Variants in PRDM16 observed in about 807,000 individuals in gnomAD.
The protein encoded by PRDM16 is PR/SET domain 16.
A neutral mutation model predicts 110.6 loss-of-function variants in PRDM16; 23 were observed. The observed-to-expected ratio is 0.21, with a 90% CI of 0.15 to 0.29. The LOEUF (loss-of-function observed/expected upper bound fraction) is 0.29. PRDM16 is among the 10% of genes least tolerant of loss of function. The pLI is 1.00. For missense variants in PRDM16, 1,615 were observed against 1,794.3 expected, an observed-to-expected ratio of 0.90 and a Z score of 1.81; for synonymous variants, 799 against 781.8, an observed-to-expected ratio of 1.02 and a Z score of -0.37.
intron 3 of PRDM16, among the ~76,000 whole-genome samples, chr1:3,360,969 GTCTATGCAC>G (rs1454516139): frequency 1.3e-5 from 2 of 152,240 alleles, no homozygotes; most frequent in Non-Finnish European, 2.9e-5. Flanking sequence ...GGCGGCCGGA[GTCTATGCAC>G]TCTCGTTTTC....
chr1:3,415,472 G>A (rs1332797870), intron 10 of PRDM16, among the ~76,000 whole-genome samples: 3 of 152,254 alleles, frequency 2.0e-5, no homozygotes, highest in Non-Finnish European at 4.4e-5. Flanking sequence ...TGAAACCTGC[G>A]CCCAGGCTGA....
At chr1:3,293,688 C>G (rs537031855) in intron 3 of PRDM16, among the ~76,000 whole-genome samples, 1 of 152,196 alleles carries the variant, frequency 6.6e-6, no homozygotes, top group East Asian at 1.9e-4. Flanking sequence ...TAGGGTATTT[C>G]ATTGTTAAGA....
At chr1:3,103,054 G>A (rs902687858) in intron 1 of PRDM16, among the ~76,000 whole-genome samples, 4 of 152,170 alleles carry the variant, frequency 2.6e-5, no homozygotes, top group South Asian at 2.1e-4. Flanking sequence ...GTGCAAATAC[G>A]TTCAATGGGT....
intron 3 of PRDM16, 26 bp from the exon 4 acceptor site, chr1:3,385,126 C>T (rs2100606051): frequency 1.2e-6 from 2 of 1,612,868 alleles, no homozygotes; most frequent in African/African-American, 1.3e-5. Flanking sequence ...GCACCTCTGA[C>T]TCCCGCTTCG....
chr1:3,432,427 G>A (rs1638793687), intron 16 of PRDM16, among the ~76,000 whole-genome samples: 1 of 152,226 alleles, frequency 6.6e-6, no homozygotes, highest in Non-Finnish European at 1.5e-5. Flanking sequence ...GGAAAGGTCT[G>A]TGAGCAGGTT....
chr1:3,081,422 C>G lies in PRDM16; in HGVS notation c.37+12126C>G, dbSNP rs185230661. Among the ~76,000 whole-genome samples the G allele has an allele frequency of 1.3e-5, 2 of 152,162 alleles. No individual in the cohort carries two copies. Among genetic ancestry groups the G allele is most frequent in the African/African-American group, 2.4e-5 (1 of 41,432 alleles). ...GCCCATTCCTGCAGCCTGGCCCGGC[C>G]GGCCCCTGGAGAGCCCCCTCCTTGT... On this transcript the variant is annotated intron_variant, in intron 1 of 16. Coordinates refer to ENST00000270722, the MANE Select transcript of PRDM16 (RefSeq NM_022114.4). This position sits in a 1 kb window ranked among gnomAD's most constrained non-coding sequence, Gnocchi z 4.6.
chr1:3,080,441 A>C lies in PRDM16; in HGVS notation c.37+11145A>C, dbSNP rs778183868. 6.6e-6 allele frequency among the ~76,000 whole-genome samples: 1 copy of C among 152,162 alleles called. No individual in the cohort carries two copies. Among genetic ancestry groups the C allele is most frequent in the Non-Finnish European group, 1.5e-5 (1 of 68,020 alleles). ...ATCCAGCCATCCTTTTCTTTAATGA[A>C]ACAGCCCGACAATGTGGCTAATTAT... On this transcript the variant is annotated intron_variant, in intron 1 of 16. Coordinates refer to ENST00000270722, the MANE Select transcript of PRDM16 (RefSeq NM_022114.4). The surrounding 1 kb of genome is among the most constrained non-coding windows in gnomAD (Gnocchi z 5.2).
chr1:3,154,321 T>G (rs973163208), intron 1 of PRDM16, among the ~76,000 whole-genome samples: 1 of 152,238 alleles, frequency 6.6e-6, no homozygotes, highest in African/African-American at 2.4e-5. Context: ...GAGGGAGCAC[T>G]CCCATCCCCT....
In PRDM16 at chr1:3,244,125, C is replaced by G; in HGVS notation, c.426C>G (p.Gly142=). 6.2e-7 allele frequency: 1 copy of G among 1,613,918 alleles called. No homozygotes were observed. The highest frequency in any genetic ancestry group is 8.5e-7 in the Non-Finnish European group (1 of 1,179,996). The change falls in exon 3 of 17, where the codon GGC becomes GGG. Residue 142 remains glycine (G), a synonymous_variant. Coordinates refer to ENST00000270722, the MANE Select transcript of PRDM16 (RefSeq NM_022114.4). The surrounding 1 kb of genome is among the most constrained non-coding windows in gnomAD (Gnocchi z 4.1). ...ACGTGGAAGTGTCGCCCCAGGAAGG[C>G]TGCATCACAAAGGTAGGAGAGCTCG... ...LTDVEVSPQE[G]CITKISEDLG... is the part of the protein sequence containing the mutation.
intron 3 of PRDM16, among the ~76,000 whole-genome samples, chr1:3,302,932 C>T (rs74050848): frequency 0.12 from 18,119 of 152,056 alleles, 3,570 homozygotes; most frequent in African/African-American, 0.41. Context: ...GTCACAAAGA[C>T]ATCTTAGCAA....
chr1:3,226,162 C>T (rs1639284456), intron 2 of PRDM16, among the ~76,000 whole-genome samples: 1 of 152,252 alleles, frequency 6.6e-6, no homozygotes, highest in African/African-American at 2.4e-5. Context: ...CAACCCACTT[C>T]CTTCCTGTTC....
intron 2 of PRDM16, among the ~76,000 whole-genome samples, chr1:3,203,498 G>T (rs1248841101): frequency 6.6e-6 from 1 of 152,084 alleles, no homozygotes; most frequent in East Asian, 2.0e-4. Context: ...GAGATGGCAG[G>T]TCCGGAGGCC....
chr1:3,154,575 T>C lies in PRDM16; in HGVS notation c.38-31550T>C, dbSNP rs139783943. Reference sequence around the variant, plus strand: ...CCCCATGGCCCTTCCCACTTTCCCTTGGCCCCCATGGCCCAAGCTGGGTTT... The same window carrying C: ...CCCCATGGCCCTTCCCACTTTCCCTCGGCCCCCATGGCCCAAGCTGGGTTT... On this transcript the variant is annotated intron_variant, in intron 1 of 16. Coordinates refer to ENST00000270722, the MANE Select transcript of PRDM16 (RefSeq NM_022114.4). Among the ~76,000 whole-genome samples, 125 of 152,230 alleles carry C rather than the reference T, an allele frequency of 8.2e-4. 1 individual carries two copies. The highest frequency in any genetic ancestry group is 2.9e-3 in the African/African-American group (120 of 41,554).
intron 3 of PRDM16, among the ~76,000 whole-genome samples, chr1:3,373,405 C>T (rs1642938746): frequency 6.6e-6 from 1 of 152,004 alleles, no homozygotes; most frequent in Non-Finnish European, 1.5e-5. Context: ...AGACTCCAGA[C>T]ACCTCCTCGG....
intron 2 of PRDM16, among the ~76,000 whole-genome samples, chr1:3,198,835 C>T (rs760483663): frequency 6.6e-5 from 10 of 152,174 alleles, no homozygotes; most frequent in African/African-American, 9.7e-5. Context: ...CCCATTGTGT[C>T]GTCTCTGTTC....
intron 3 of PRDM16, among the ~76,000 whole-genome samples, chr1:3,262,090 T>C (rs969060903): frequency 1.3e-5 from 2 of 152,340 alleles, no homozygotes; most frequent in Middle Eastern, 6.8e-3. Flanking sequence ...ACTTGTGCTT[T>C]TAGCAAGTAG....
In PRDM16 at chr1:3,409,859, GTGT is replaced by G. The variant is rs1325099961; in HGVS notation, c.1187-1523_1187-1521del. ...GGTGTGTGGTGTGGGTGTGTGTGTG[GTGT>G]TTGTGTGCATGTGTGTGGTTGTGTG... is the stretch of plus-strand genomic sequence containing the variant. On this transcript the variant is annotated intron_variant, in intron 8 of 16. Transcript: ENST00000270722. Among the ~76,000 whole-genome samples, 17 of 62,372 alleles carry G rather than the reference GTGT, an allele frequency of 2.7e-4. No individual in the cohort carries two copies. In the East Asian group the frequency reaches 2.9e-3, roughly 11 times the overall value. 40.9% of individuals were successfully genotyped at this position (62,372 alleles called of 152,430 possible).
rs1361421992 is a variant in PRDM16, at chr1:3,393,580, G to T, written c.574-2911G>T. On this transcript the variant is annotated intron_variant, in intron 4 of 16. Transcript: ENST00000270722. ...CTCGAGCCAGGAGCCGGCGCAGGCT[G>T]GGTCCGCAGACGCCCGGTTCCCACC... 2.0e-5 allele frequency among the ~76,000 whole-genome samples: 3 copies of T among 152,188 alleles called. No homozygotes were observed. The East Asian group carries it at 5.8e-4, about 29-fold the overall frequency.
intron 3 of PRDM16, among the ~76,000 whole-genome samples, chr1:3,363,547 T>G (rs1050436719): frequency 3.3e-5 from 5 of 152,108 alleles, no homozygotes; most frequent in African/African-American, 1.2e-4. Flanking sequence ...TCTTGGGGCA[T>G]CCTGAGTGCC....
Sources: allele counts gnomAD v4.1 joint callset (sites outside exome capture counted in the v4.1 genomes callset), GRCh38; gene constraint gnomAD v4.1.1; non-coding constraint Gnocchi (gnomAD v3.1); transcripts MANE v1.5; gene names NCBI Gene and HGNC (gene_info 2026-07-23, HGNC 2026-07-21).